The following MDGA2 variants were observed in gnomAD, a reference collection of about 807,000 sequenced individuals.
MDGA2 encodes the protein MAM domain-containing glycosylphosphatidylinositol anchor protein 2.
A neutral mutation model predicts 117.8 loss-of-function variants in MDGA2; 40 were observed. The observed-to-expected ratio is 0.34, with a 90% confidence interval of 0.26 to 0.44. The LOEUF (loss-of-function observed/expected upper bound fraction) is 0.44, where lower values mean the gene tolerates loss of function less well. Ranked by LOEUF, MDGA2 falls within the 20% of genes least tolerant of loss-of-function variation. MDGA2 has a pLI of 1.00. For synonymous variants in MDGA2, 452 were observed against 439.0 expected, an observed-to-expected ratio of 1.03 and a Z score of -0.37; for missense variants, 1,123 against 1,250.6, an observed-to-expected ratio of 0.90 and a Z score of 1.54.
At chr14:47,216,783 TATTTAGTCAGGAA>T (rs1174516441) in intron 3 of MDGA2, among the ~76,000 whole-genome samples, 4 of 152,066 alleles carry the variant, frequency 2.6e-5, no homozygotes, top group Non-Finnish European at 5.9e-5. Flanking sequence ...ATACTGAAAA[TATTTAGTCAGGAA>T]AATGGAAGCC....
At chr14:47,115,317 A>G (rs193272695) in intron 5 of MDGA2, among the ~76,000 whole-genome samples, 2 of 152,116 alleles carry the variant, frequency 1.3e-5, no homozygotes, top group Admixed American at 1.3e-4. Flanking sequence ...TTACTAGCTC[A>G]TGTCTGGGAT....
chr14:47,017,381 T>C (rs892843044), intron 8 of MDGA2, among the ~76,000 whole-genome samples: 1 of 151,882 alleles, frequency 6.6e-6, no homozygotes, highest in Non-Finnish European at 1.5e-5. Context: ...AATATTCCAC[T>C]GAATGATATT....
chr14:47,407,114 T>C (rs766588103), intron 1 of MDGA2, among the ~76,000 whole-genome samples: 20 of 152,154 alleles, frequency 1.3e-4, no homozygotes, highest in Non-Finnish European at 2.2e-4. Flanking sequence ...TGCATATTAA[T>C]TCTGGCCCAA....
chr14:47,505,865 T>C (rs1319599083), intron 1 of MDGA2, among the ~76,000 whole-genome samples: 1 of 152,170 alleles, frequency 6.6e-6, no homozygotes. Flanking sequence ...GACCTAAATT[T>C]AGAAAAATAA....
chr14:47,527,741 G>A (rs1285915575), intron 1 of MDGA2, among the ~76,000 whole-genome samples: 1 of 152,158 alleles, frequency 6.6e-6, no homozygotes, highest in Non-Finnish European at 1.5e-5. Context: ...CAGCCTTGGA[G>A]GCTTCAATGG....
At position 47,305,690 on chromosome 14, in the gene MDGA2, G is replaced by C. The variant is rs146603339; in HGVS notation, c.281-4140C>G. 1.4e-3 allele frequency among the ~76,000 whole-genome samples: 218 copies of C among 152,288 alleles called. 1 individual carries two copies. The highest frequency in any genetic ancestry group is 2.3e-3 in the Non-Finnish European group (157 of 68,012). ...GCTGCTATAGCAGGCATGAGACTCT[G>C]TGCTGGGGATATGATGATTAATGCC... On this transcript the variant is annotated intron_variant, in intron 1 of 16. Transcript: ENST00000399232.
chr14:46,905,778 T>C (rs914708780), intron 10 of MDGA2, among the ~76,000 whole-genome samples: 4 of 152,004 alleles, frequency 2.6e-5, no homozygotes, highest in African/African-American at 9.7e-5. Flanking sequence ...CTTTGAAAAT[T>C]AGATAACTGA....
At chr14:47,605,483 G>A in intron 1 of MDGA2, among the ~76,000 whole-genome samples, 1 of 152,118 alleles carries the variant, frequency 6.6e-6, no homozygotes, top group East Asian at 1.9e-4. Flanking sequence ...AGAAACTGCT[G>A]TATCTTTCAC....
chr14:46,860,066 A>G (rs1417655107), intron 14 of MDGA2, among the ~76,000 whole-genome samples: 2 of 152,210 alleles, frequency 1.3e-5, no homozygotes, highest in South Asian at 2.1e-4. Flanking sequence ...TTATTTACAC[A>G]TAAGACCACA....
At chr14:47,228,587 G>A (rs577764266) in intron 2 of MDGA2, among the ~76,000 whole-genome samples, 10 of 152,118 alleles carry the variant, frequency 6.6e-5, no homozygotes, top group Non-Finnish European at 1.0e-4. Context: ...GCTAAGCTAC[G>A]ATGTTCAGTA....
intron 1 of MDGA2, among the ~76,000 whole-genome samples, chr14:47,308,502 GTTTTTTTT>G (rs68070912): frequency 0.11 from 12,353 of 112,988 alleles, 648 homozygotes; most frequent in Non-Finnish European, 0.13. Context: ...CTTTCTGTTA[GTTTTTTTT>G]TTTTTTTTTT....
chr14:46,857,345 T>A (rs190404764), intron 14 of MDGA2, among the ~76,000 whole-genome samples: 138 of 152,208 alleles, frequency 9.1e-4, no homozygotes, highest in Middle Eastern at 3.4e-3. Context: ...AGTAAAAATA[T>A]TCTCATTTCT....
chr14:47,670,457 G>C (rs1566568048), intron 1 of MDGA2, among the ~76,000 whole-genome samples: 1 of 152,124 alleles, frequency 6.6e-6, no homozygotes, highest in African/African-American at 2.4e-5. Context: ...CAACTGATAA[G>C]TTTACAGGAG....
intron 1 of MDGA2, among the ~76,000 whole-genome samples, chr14:47,604,006 C>T (rs749263962): frequency 6.6e-6 from 1 of 152,170 alleles, no homozygotes; most frequent in Non-Finnish European, 1.5e-5. Flanking sequence ...AGAAGCTGAG[C>T]AGGTGCCGGT....
chr14:47,283,566 C>G (rs1888572182), intron 2 of MDGA2, among the ~76,000 whole-genome samples: 1 of 152,118 alleles, frequency 6.6e-6, no homozygotes, highest in Admixed American at 6.6e-5. Context: ...CAAAAGCAAC[C>G]AGGTAAACTG....
At chr14:47,154,990 A>G (rs556702517) in intron 3 of MDGA2, among the ~76,000 whole-genome samples, 8 of 152,262 alleles carry the variant, frequency 5.3e-5, no homozygotes, top group African/African-American at 1.9e-4. Flanking sequence ...TCCCCTCGGA[A>G]GCCGATTAAA....
At chr14:46,978,939 G>A (rs966489179) in intron 8 of MDGA2, among the ~76,000 whole-genome samples, 4 of 152,066 alleles carry the variant, frequency 2.6e-5, no homozygotes, top group Non-Finnish European at 5.9e-5. Flanking sequence ...TTGTAACTAT[G>A]TAAAAACATA....
At chr14:47,452,762 T>G (rs1454250689) in intron 1 of MDGA2, among the ~76,000 whole-genome samples, 1 of 152,050 alleles carries the variant, frequency 6.6e-6, no homozygotes, top group Non-Finnish European at 1.5e-5. Context: ...CAATAGAATG[T>G]TAACAGAAGG....
rs201398324 is a variant in MDGA2 at position 46,943,326 on chromosome 14, AT to A, written c.2089+14047del. On this transcript the variant is annotated intron_variant, in intron 9 of 16. Transcript: ENST00000399232. Reference sequence around the variant, plus strand: ...ACAGTGTGTATCTTGTAGATAGTGCATTTTTTTTTCTCAGTCCAGTTCTACC... The same window carrying A: ...ACAGTGTGTATCTTGTAGATAGTGCATTTTTTTTCTCAGTCCAGTTCTACC... Among the ~76,000 whole-genome samples the A allele has an allele frequency of 1.9e-4, 28 of 150,378 alleles. No homozygotes were observed. The East Asian group carries it at 2.5e-3, about 14-fold the overall frequency.
Sources: allele counts gnomAD v4.1 joint callset (sites outside exome capture counted in the v4.1 genomes callset), GRCh38; gene constraint gnomAD v4.1.1; transcripts MANE v1.5; gene names NCBI Gene and HGNC (gene_info 2026-07-23, HGNC 2026-07-21).